Variants in BPNT2 observed in about 807,000 individuals in gnomAD.
BPNT2 encodes the protein 3'(2'), 5'-bisphosphate nucleotidase 2.
In BPNT2, 11 loss-of-function variants were observed where a neutral mutation model predicts 29.3. The observed-to-expected ratio is 0.38, with a 90% CI of 0.24 to 0.62. The LOEUF (loss-of-function observed/expected upper bound fraction) is 0.62, where lower values mean the gene tolerates loss of function less well. BPNT2 is among the 20% of genes least tolerant of loss of function. The probability of loss-of-function intolerance (pLI) is 0.62; values close to 1 mark genes in which losing one functional copy is unlikely to be tolerated. For missense variants in BPNT2, 459 were observed against 473.4 expected (o/e 0.97, Z 0.28); for synonymous variants, 195 against 187.7 (o/e 1.04, Z -0.32).
At position 56,980,236 on chromosome 8, in the gene BPNT2, G is replaced by A. The variant is rs778806641; in HGVS notation, c.388-39C>T. 6.7e-5 allele frequency: 101 copies of A among 1,511,052 alleles called. 3 individuals carry two copies. The highest frequency in any genetic ancestry group is 1.8e-4 in the South Asian group (16 of 88,848). 93.6% of individuals were successfully genotyped at this position (1,511,052 alleles called of 1,614,324 possible). On this transcript the variant is annotated intron_variant, in intron 1 of 4. Coordinates refer to ENST00000262644, the MANE Select transcript of BPNT2 (RefSeq NM_017813.5). ...AGGTGACAGTTAAAAAAAGTAAGAC[G>A]AACAATCACTATTTGATAAACTACA...
In BPNT2 at chr8:56,960,245, C is replaced by T; in HGVS notation, c.*3548G>A. 1 of 152,168 alleles carries T rather than the reference C, an allele frequency of 6.6e-6. No individual in the cohort carries two copies. Among genetic ancestry groups the T allele is most frequent in the Middle Eastern group, 3.2e-3 (1 of 316 alleles). 9.4% of individuals were successfully genotyped at this position (152,168 alleles called of 1,614,324 possible). On this transcript the variant is annotated 3_prime_UTR_variant, in exon 5 of 5. Coordinates refer to ENST00000262644, the MANE Select transcript of BPNT2 (RefSeq NM_017813.5). ...GCTCAGCTATCAGAGATGGCTGTCA[C>T]CTTCAAAGCCTAAGTGAGATCCAAT...
chr8:56,960,802 T>C lies in BPNT2; in HGVS notation c.*2991A>G, dbSNP rs1255918836. The stretch of plus-strand genomic sequence containing the variant: ...ATATTAGACTTGACAACATAAAGGG[T>C]TGTGGTTTTGAAGGTGATTTTCCTT... On this transcript the variant is annotated 3_prime_UTR_variant, in exon 5 of 5. Coordinates refer to ENST00000262644, the MANE Select transcript of BPNT2 (RefSeq NM_017813.5). 1.3e-5 allele frequency: 2 copies of C among 152,000 alleles called. No individual in the cohort carries two copies. The highest frequency in any genetic ancestry group is 3.9e-4 in the East Asian group (2 of 5,162). 9.4% of individuals were successfully genotyped at this position (152,000 alleles called of 1,614,324 possible). A position where few individuals can be genotyped will look rare whatever the true frequency, so the allele number is the denominator to read the frequency against.
chr8:56,964,723 A>G (rs1174970122), intron 4 of BPNT2, among the ~76,000 whole-genome samples: 2 of 152,228 alleles, frequency 1.3e-5, no homozygotes, highest in East Asian at 1.9e-4. Flanking sequence ...GCCATTTTCT[A>G]TGGAATGACA....
At chr8:56,968,458 G>A (rs1805984632) in intron 3 of BPNT2, among the ~76,000 whole-genome samples, 1 of 151,122 alleles carries the variant, frequency 6.6e-6, no homozygotes, top group African/African-American at 2.4e-5. Context: ...AAAATTAATG[G>A]GATAGAGCTA....
intron 3 of BPNT2, among the ~76,000 whole-genome samples, chr8:56,967,461 G>T (rs760763478): frequency 3.9e-5 from 6 of 152,118 alleles, no homozygotes; most frequent in Non-Finnish European, 5.9e-5. Context: ...ATAAGCGCTG[G>T]AGCTGACCCT....
In BPNT2 at chr8:56,961,335, C is replaced by A. The variant is rs886063007; in HGVS notation, c.*2458G>T. On this transcript the variant is annotated 3_prime_UTR_variant, in exon 5 of 5. Coordinates refer to ENST00000262644, the MANE Select transcript of BPNT2 (RefSeq NM_017813.5). ...TTACTAGGATGCTATGGCACAATGT[C>A]TTGTGTAAATAAATATAAATACTGT... 1 of 152,060 alleles carries A rather than the reference C, an allele frequency of 6.6e-6. No homozygotes were observed. Among genetic ancestry groups the A allele is most frequent in the Non-Finnish European group, 1.5e-5 (1 of 68,016 alleles). The allele number at this position is 152,060 out of a possible 1,614,324, so 9.4% of individuals were successfully genotyped here. A position where few individuals can be genotyped will look rare whatever the true frequency, so the allele number is the denominator to read the frequency against.
rs891965667 is a variant in BPNT2 at position 56,993,191 on chromosome 8, G to A, written c.387+8C>T. 11 of 1,595,172 alleles carry A rather than the reference G, an allele frequency of 6.9e-6. No homozygotes were observed. In the African/African-American group the frequency reaches 1.5e-4, roughly 21 times the overall value. On this transcript the variant is annotated splice_region_variant and intron_variant, in intron 1 of 4. Coordinates refer to ENST00000262644, the MANE Select transcript of BPNT2 (RefSeq NM_017813.5). ...GCTCGAGTGGGCGCTCCGCCCGTGGGCTCCCACCTGGACGCTGGGGAAGGC... is the reference window on the plus strand; with the variant it reads ...GCTCGAGTGGGCGCTCCGCCCGTGGACTCCCACCTGGACGCTGGGGAAGGC...
intron 1 of BPNT2, among the ~76,000 whole-genome samples, chr8:56,991,237 A>C (rs1806411658): frequency 6.6e-6 from 1 of 152,238 alleles, no homozygotes; most frequent in African/African-American, 2.4e-5. Flanking sequence ...CTATTCCTTC[A>C]GTCATGACCC....
intron 1 of BPNT2, among the ~76,000 whole-genome samples, chr8:56,983,274 G>A (rs1806274816): frequency 6.6e-6 from 1 of 152,152 alleles, no homozygotes; most frequent in Admixed American, 6.5e-5. Flanking sequence ...AATGTAGCTA[G>A]AGAAGCCCCT....
In BPNT2 at chr8:56,980,054, A is replaced by C. The variant is rs1252335266; in HGVS notation, c.531T>G (p.Asp177Glu). 1 of 1,613,754 alleles carries C rather than the reference A, an allele frequency of 6.2e-7. No individual in the cohort carries two copies. The highest frequency in any genetic ancestry group is 1.3e-5 in the African/African-American group (1 of 74,890). ...ESVTVWIDPL[D>E]ATQEYTEDLR... is the part of the protein sequence containing the mutation. Reference sequence around the variant, plus strand: ...AATTACCTGTATATTCCTGTGTAGCATCAAGTGGGTCAATCCAGACAGTAA... The same window carrying C: ...AATTACCTGTATATTCCTGTGTAGCCTCAAGTGGGTCAATCCAGACAGTAA... The change falls in exon 2 of 5, where the codon GAT becomes GAG. Residue 177 changes from aspartate (D) to glutamate (E), a missense_variant. By Grantham distance (45) the Asp-to-Glu change is conservative. Transcript: ENST00000262644.
At position 56,963,806 on chromosome 8, in the gene BPNT2, G is replaced by A; in HGVS notation, c.1067C>T (p.Thr356Ile). ...AATCAGTTATGCTCATTTATGTCCT[G>A]TCTTTTCTAGATCTGGGAGTTTTCT... The part of the protein sequence containing the change: ...LVRKLPDLEK[T>I]GHK The change falls in exon 5 of 5, where the codon ACA (threonine) becomes ATA (isoleucine). Residue 356 changes from threonine (T) to isoleucine (I), a missense_variant. Coordinates refer to ENST00000262644, the MANE Select transcript of BPNT2 (RefSeq NM_017813.5). 6.2e-7 allele frequency: 1 copy of A among 1,614,142 alleles called. No individual in the cohort carries two copies.
intron 2 of BPNT2, among the ~76,000 whole-genome samples, chr8:56,978,819 C>CT (rs1252250943): frequency 1.3e-5 from 2 of 152,110 alleles, no homozygotes; most frequent in Non-Finnish European, 2.9e-5. Context: ...CACATGTTCT[C>CT]TAAGTGGGGA....
chr8:56,978,489 A>G (rs1238643461), intron 2 of BPNT2, among the ~76,000 whole-genome samples: 2 of 152,158 alleles, frequency 1.3e-5, no homozygotes, highest in Non-Finnish European at 2.9e-5. Context: ...CAGTGTGGCA[A>G]TTCCTCAAAG....
chr8:56,984,849 C>T (rs1806304192), intron 1 of BPNT2, among the ~76,000 whole-genome samples: 2 of 152,116 alleles, frequency 1.3e-5, no homozygotes, highest in African/African-American at 4.8e-5. Flanking sequence ...TGGGTAATGA[C>T]AGCAGTAAGT....
At chr8:56,989,579 G>C (rs552859260) in intron 1 of BPNT2, among the ~76,000 whole-genome samples, 1 of 152,100 alleles carries the variant, frequency 6.6e-6, no homozygotes, top group Non-Finnish European at 1.5e-5. Context: ...AACAAGCTCA[G>C]CATAACTTCC....
intron 3 of BPNT2, among the ~76,000 whole-genome samples, chr8:56,972,375 G>A (rs1806053335): frequency 1.3e-5 from 2 of 151,892 alleles, no homozygotes; most frequent in South Asian, 4.2e-4. Flanking sequence ...ATTGAGGTCT[G>A]TAACTGTGGC....
At position 56,972,000 on chromosome 8, in the gene BPNT2, C is replaced by T. The variant is rs184009030; in HGVS notation, c.647-5648G>A. 2.4e-3 allele frequency among the ~76,000 whole-genome samples: 368 copies of T among 151,046 alleles called. 1 individual carries two copies. The highest frequency in any genetic ancestry group is 8.6e-3 in the African/African-American group (352 of 41,016). On this transcript the variant is annotated intron_variant, in intron 3 of 4. Coordinates refer to ENST00000262644, the MANE Select transcript of BPNT2 (RefSeq NM_017813.5). Reference sequence around the variant, plus strand: ...GTTCCAGCTACTCGGGAGGCTGAGGCAGGAGAATGGCGTGAACCTGGGAGG... The same window carrying T: ...GTTCCAGCTACTCGGGAGGCTGAGGTAGGAGAATGGCGTGAACCTGGGAGG...
In BPNT2 at chr8:56,959,372, A is replaced by G. The variant is rs1357796939; in HGVS notation, c.*4421T>C. 6.6e-6 allele frequency: 1 copy of G among 152,244 alleles called. No individual in the cohort carries two copies. Among genetic ancestry groups the G allele is most frequent in the Non-Finnish European group, 1.5e-5 (1 of 68,036 alleles). The allele number at this position is 152,244 out of a possible 1,614,324, so 9.4% of individuals were successfully genotyped here. On this transcript the variant is annotated 3_prime_UTR_variant, in exon 5 of 5. Coordinates refer to ENST00000262644, the MANE Select transcript of BPNT2 (RefSeq NM_017813.5). ...ATAAAAATAAACGATTTACATAAGC[A>G]GTACCTGGTAAAACCAAAACCTCCT...
chr8:56,987,604 C>T (rs1486766298), intron 1 of BPNT2, among the ~76,000 whole-genome samples: 1 of 152,150 alleles, frequency 6.6e-6, no homozygotes, highest in Non-Finnish European at 1.5e-5. Flanking sequence ...TGCAGGTTTC[C>T]AGCTGACAGA....
Sources: gnomAD v4.1 joint callset for allele counts (sites outside exome capture counted in the v4.1 genomes callset) on GRCh38, gnomAD v4.1.1 for gene constraint, MANE v1.5 for transcripts, NCBI Gene and HGNC (gene_info 2026-07-23, HGNC 2026-07-21) for gene names.